LRPPRC: variants seen among roughly 807,000 people sequenced by gnomAD.
LRPPRC encodes leucine rich pentatricopeptide repeat containing.
LRPPRC carries 120 observed loss-of-function variants against 180.3 expected under a neutral mutation model. The observed-to-expected ratio is 0.67, with a 90% confidence interval of 0.57 to 0.77. The LOEUF (loss-of-function observed/expected upper bound fraction) is 0.77, where lower values mean the gene tolerates loss of function less well. Ranked by LOEUF, LRPPRC falls within the 30% of genes least tolerant of loss-of-function variation. The pLI, the probability that LRPPRC is intolerant of heterozygous loss-of-function variation, is 0.00. For synonymous variants in LRPPRC, 723 were observed against 600.0 expected (o/e 1.21, Z -3.00); for missense variants, 2,012 against 1,657.2 (o/e 1.21, Z -3.72).
chr2:43,967,337 A>G (rs1673603476), intron 11 of LRPPRC, among the ~76,000 whole-genome samples: 1 of 152,204 alleles, frequency 6.6e-6, no homozygotes, highest in South Asian at 2.1e-4. Flanking sequence ...CAAGGCTGAC[A>G]GAGTGAGACA....
chr2:43,959,126 T>C (rs1673234755), intron 13 of LRPPRC: 1 of 687,240 alleles, frequency 1.5e-6, no homozygotes, highest in Admixed American at 2.2e-5. Flanking sequence ...ATGGATGATA[T>C]GATAAAAGGA....
intron 1 of LRPPRC, among the ~76,000 whole-genome samples, chr2:43,985,577 C>A (rs956713872): frequency 2.6e-5 from 4 of 152,214 alleles, no homozygotes; most frequent in Non-Finnish European, 5.9e-5. Flanking sequence ...ATAGTTGCAT[C>A]ATACAGCATG....
rs1286748163 is a variant in LRPPRC, at chr2:43,918,748, T to G, written c.2897-350A>C. Among the ~76,000 whole-genome samples the G allele has an allele frequency of 9.4e-5, 14 of 149,272 alleles. No homozygotes were observed. The East Asian group carries it at 2.5e-3, about 27-fold the overall frequency. On this transcript the variant is annotated intron_variant, in intron 27 of 37. Transcript: ENST00000260665. The stretch of plus-strand genomic sequence containing the variant: ...TCAGAAACAGGTGACAATTCAACTA[T>G]GACCTTTAGCGTTGCAAAGATCCTG...
intron 27 of LRPPRC, among the ~76,000 whole-genome samples, chr2:43,918,811 ATATATATATATC>A (rs1671582822): frequency 2.2e-5 from 3 of 134,756 alleles, no homozygotes; most frequent in Admixed American, 2.2e-4. Context: ...ATATATATAG[ATATATATATATC>A]TATATATAGA....
chr2:43,954,627 AG>A (rs907145108), intron 14 of LRPPRC, among the ~76,000 whole-genome samples: 2 of 152,186 alleles, frequency 1.3e-5, no homozygotes, highest in African/African-American at 4.8e-5. Flanking sequence ...CTAGCCACTG[AG>A]GGGGGATAAA....
rs1670348361 is a variant in LRPPRC at position 43,888,422 on chromosome 2, C to A, written c.*178G>T. 1.9e-6 allele frequency: 1 copy of A among 540,326 alleles called. No individual in the cohort carries two copies. The highest frequency in any genetic ancestry group is 3.3e-6 in the Non-Finnish European group (1 of 299,968). 33.5% of individuals were successfully genotyped at this position (540,326 alleles called of 1,614,324 possible). A position where few individuals can be genotyped will look rare whatever the true frequency, so the allele number is the denominator to read the frequency against. On this transcript the variant is annotated 3_prime_UTR_variant, in exon 38 of 38. Coordinates refer to ENST00000260665, the MANE Select transcript of LRPPRC (RefSeq NM_133259.4). ...TCGATTTTTCCCAGAGAAAAAAACT[C>A]CAAAAATGTCCAATAACCAAGTGCA...
At position 43,948,125 on chromosome 2, in the gene LRPPRC, A is replaced by C. The variant is rs1672759564; in HGVS notation, c.1917T>G (p.Ile639Met). The C allele has an allele frequency of 7.6e-6, 12 of 1,576,544 alleles. No homozygotes were observed. Among genetic ancestry groups the C allele is most frequent in the African/African-American group, 1.4e-5 (1 of 73,998 alleles). The change falls in exon 18 of 38, where the codon ATT becomes ATG. Residue 639 changes from isoleucine (I) to methionine (M), a missense_variant. Ile to Met is a conservative substitution (Grantham distance 10). Transcript: ENST00000260665. Reference sequence around the variant, plus strand: ...TTGATTGCTATTTCACACACACCTTAATCAATTCAGGAACATGGTAGCTTT... The same window carrying C: ...TTGATTGCTATTTCACACACACCTTCATCAATTCAGGAACATGGTAGCTTT... ...LLESYHVPEL[I>M]KDAHLLVESK... is the part of the protein sequence containing the mutation.
chr2:43,888,533 A>G lies in LRPPRC; in HGVS notation c.*67T>C, dbSNP rs1416439846. 18 of 1,000,112 alleles carry G rather than the reference A, an allele frequency of 1.8e-5. No homozygotes were observed. The highest frequency in any genetic ancestry group is 3.4e-5 in the Admixed American group (2 of 58,172). The allele number at this position is 1,000,112 out of a possible 1,614,324, so 62.0% of individuals were successfully genotyped here. A position where few individuals can be genotyped will look rare whatever the true frequency, so the allele number is the denominator to read the frequency against. ...ATTTTCATTTATTTTTCCCTCAGAT[A>G]TACTTCAAAATAACATGTAGACACA... On this transcript the variant is annotated 3_prime_UTR_variant, in exon 38 of 38. Transcript: ENST00000260665.
rs561045337 is a variant in LRPPRC at position 43,969,228 on chromosome 2, C to A, written c.1369+4379G>T. On this transcript the variant is annotated intron_variant, in intron 11 of 37. Transcript: ENST00000260665. ...GAGATCGAGACCATTCTGGCTAACACGGTGAAACCCCGTCTCTACTAAAAA... is the reference window on the plus strand; with the variant it reads ...GAGATCGAGACCATTCTGGCTAACAAGGTGAAACCCCGTCTCTACTAAAAA... Among the ~76,000 whole-genome samples, 5 of 152,102 alleles carry A rather than the reference C, an allele frequency of 3.3e-5. No individual in the cohort carries two copies. The South Asian group carries it at 8.3e-4, about 25-fold the overall frequency.
At chr2:43,933,738 A>G (rs1356320764) in intron 25 of LRPPRC, among the ~76,000 whole-genome samples, 4 of 152,214 alleles carry the variant, frequency 2.6e-5, no homozygotes, top group Admixed American at 6.5e-5. Flanking sequence ...ATTAAATGCC[A>G]AACAGTTGCA....
intron 1 of LRPPRC, among the ~76,000 whole-genome samples, chr2:43,986,859 G>C (rs528779662): frequency 6.6e-6 from 1 of 152,192 alleles, no homozygotes; most frequent in South Asian, 2.1e-4. Flanking sequence ...TCTAATGGCA[G>C]ATAAATAAGG....
chr2:43,922,218 T>G (rs1290010452), intron 27 of LRPPRC, among the ~76,000 whole-genome samples: 1 of 152,166 alleles, frequency 6.6e-6, no homozygotes, highest in African/African-American at 2.4e-5. Context: ...CCATAGAAAA[T>G]GAAAGCAGTT....
At position 43,995,790 on chromosome 2, in the gene LRPPRC, G is replaced by A. The variant is rs1056497742; in HGVS notation, c.149+9C>T. The A allele has an allele frequency of 5.8e-6, 8 of 1,379,140 alleles. No individual in the cohort carries two copies. Among genetic ancestry groups the A allele is most frequent in the Non-Finnish European group, 6.5e-6 (7 of 1,077,800 alleles). 85.4% of individuals were successfully genotyped at this position (1,379,140 alleles called of 1,614,324 possible). On this transcript the variant is annotated intron_variant, in intron 1 of 37. Transcript: ENST00000260665. ...GCAGCTTGCCTGGAGAAAGGGCCTG[G>A]GCACTCACCCGGCCACGGGCCCGGC...
chr2:43,890,086 A>G, intron 36 of LRPPRC: 1 of 601,202 alleles, frequency 1.7e-6, no homozygotes, highest in Non-Finnish European at 3.0e-6. Context: ...GAAGGAGAAG[A>G]AAATGACAAA....
chr2:43,995,837 G>C lies in LRPPRC; in HGVS notation c.111C>G (p.Ala37=). 6.9e-7 allele frequency: 1 copy of C among 1,449,076 alleles called. No homozygotes were observed. Among genetic ancestry groups the C allele is most frequent in the Non-Finnish European group, 9.0e-7 (1 of 1,110,322 alleles). 89.8% of individuals were successfully genotyped at this position (1,449,076 alleles called of 1,614,324 possible). A position where few individuals can be genotyped will look rare whatever the true frequency, so the allele number is the denominator to read the frequency against. Residue 37 remains alanine (A), a synonymous_variant, in exon 1 of 38, where the codon GCC becomes GCG. Coordinates refer to ENST00000260665, the MANE Select transcript of LRPPRC (RefSeq NM_133259.4). ...LPGGPGRLHA[A]SYLPAARAGP... ...CGGCGCGAGCGGCGGGCAGATAGGA[G>C]GCGGCATGCAGCCGGCCCGGGCCGC... is the stretch of plus-strand genomic sequence containing the variant.
chr2:43,974,073 A>G (rs1673940713), intron 9 of LRPPRC, 77 bp downstream of exon 9: 2 of 1,427,790 alleles, frequency 1.4e-6, no homozygotes, highest in African/African-American at 1.4e-5. Flanking sequence ...GTCTAATCTT[A>G]TAAATGTTCC....
rs1405437173 is a variant in LRPPRC at position 43,977,037 on chromosome 2, A to C, written c.607T>G (p.Leu203Val). Residue 203 changes from leucine (L) to valine (V), a missense_variant, in exon 5 of 38, where the codon TTG becomes GTG. Leu to Val is a conservative substitution (Grantham distance 32, BLOSUM62 1). Coordinates refer to ENST00000260665, the MANE Select transcript of LRPPRC (RefSeq NM_133259.4). ...IQPNRVTYQRLIASYCNVGDI... is the reference protein window; with the variant it reads ...IQPNRVTYQRVIASYCNVGDI... ...CCTACATTACAATAAGAAGCAATCA[A>C]TCTCTGGTATGTCACCTGTCAATGA... is the stretch of plus-strand genomic sequence containing the variant. 18 of 1,613,382 alleles carry C rather than the reference A, an allele frequency of 1.1e-5. No individual in the cohort carries two copies. Among genetic ancestry groups the C allele is most frequent in the Non-Finnish European group, 1.4e-5 (17 of 1,179,582 alleles).
chr2:43,920,558 C>T (rs1435195514), intron 27 of LRPPRC, among the ~76,000 whole-genome samples: 3 of 152,142 alleles, frequency 2.0e-5, no homozygotes, highest in Admixed American at 6.5e-5. Flanking sequence ...AAAAGCCTTA[C>T]ATTTACAACC....
intron 1 of LRPPRC, among the ~76,000 whole-genome samples, chr2:43,989,815 G>A (rs944444820): frequency 1.3e-5 from 2 of 152,202 alleles, no homozygotes; most frequent in Admixed American, 6.5e-5. Flanking sequence ...ATCTCAACTT[G>A]AGGTCTTGAA....
Sources: gnomAD v4.1 joint callset for allele counts (sites outside exome capture counted in the v4.1 genomes callset) on GRCh38, gnomAD v4.1.1 for gene constraint, MANE v1.5 for transcripts, NCBI Gene and HGNC (gene_info 2026-07-23, HGNC 2026-07-21) for gene names.